Variants in MYH7 observed in about 807,000 individuals in gnomAD.
MYH7 encodes the protein myosin-7.
Under a neutral mutation model 225.4 loss-of-function variants are expected in MYH7, and 129 were observed. The ratio of observed to expected loss-of-function variants is 0.57; its 90% CI spans 0.50 to 0.66. The LOEUF is 0.66. Ranked by LOEUF, MYH7 falls within the 30% of genes least tolerant of loss-of-function variation. MYH7 has a pLI of 0.00. For missense variants in MYH7, 1,649 were observed against 2,517.0 expected (o/e 0.66, Z 7.38); for synonymous variants, 971 against 1,007.6 (o/e 0.96, Z 0.69).
In MYH7 at chr14:23,428,529, G is replaced by C. The variant is rs727504237; in HGVS notation, c.1549C>G (p.Leu517Val). ...TCGATGAGGTCAATGCAGGCCTGCA[G>C]GTCCATGCCAAAGTCAATGAATGTC... ...EWTFIDFGMD[L>V]QACIDLIEKP... is the part of the protein sequence containing the mutation. The change falls in exon 15 of 40, where the codon CTG becomes GTG. Residue 517 changes from leucine to valine, a missense_variant. Leu to Val is a conservative substitution (Grantham distance 32). This residue lies in a region of MYH7 where 76 missense variants were observed against 233.8 expected (regional missense o/e 0.33). Coordinates refer to ENST00000355349, the MANE Select transcript of MYH7 (RefSeq NM_000257.4). The C allele has an allele frequency of 6.2e-7, 1 of 1,614,072 alleles. No homozygotes were observed.
Position 23,434,156 on chromosome 14 carries a change from T to G in MYH7, c.-9+38A>C, listed in dbSNP as rs554681074. On this transcript the variant is annotated intron_variant, in intron 2 of 39. Coordinates refer to ENST00000355349, the MANE Select transcript of MYH7 (RefSeq NM_000257.4). ...GCTTTGGGGCTCTAATGCCCAGTCTTACTAGATTTTCAACACTCTAGCTTC... is the reference window on the plus strand; with the variant it reads ...GCTTTGGGGCTCTAATGCCCAGTCTGACTAGATTTTCAACACTCTAGCTTC... 2.9e-5 allele frequency: 31 copies of G among 1,060,468 alleles called. No individual in the cohort carries two copies. In the South Asian group the frequency reaches 7.9e-4, roughly 27 times the overall value. 65.7% of individuals were successfully genotyped at this position (1,060,468 alleles called of 1,614,324 possible). A position where few individuals can be genotyped will look rare whatever the true frequency, so the allele number is the denominator to read the frequency against.
rs199866189 is a variant in MYH7 at position 23,432,533 on chromosome 14, G to A, written c.503-27C>T. 2.2e-5 allele frequency: 36 copies of A among 1,614,126 alleles called. No individual in the cohort carries two copies. In the Admixed American group the frequency reaches 5.7e-4, roughly 25 times the overall value. On this transcript the variant is annotated intron_variant, in intron 5 of 39. Coordinates refer to ENST00000355349, the MANE Select transcript of MYH7 (RefSeq NM_000257.4). ...TGTGGGGAGAGGGTGGGGAGGAAAG[G>A]TCAGGAGCTGCACAGGATGCTCTCG...
rs2754165 is a variant in MYH7, at chr14:23,432,373, G to C, written c.530+106C>G. On this transcript the variant is annotated intron_variant, in intron 6 of 39. Transcript: ENST00000355349. ...GAAGAAGGAGATGGGCACGAGGTTGGGGGGAAAGAGGCTGAGTCTATGCCT... is the reference window on the plus strand; with the variant it reads ...GAAGAAGGAGATGGGCACGAGGTTGCGGGGAAAGAGGCTGAGTCTATGCCT... 0.072 allele frequency: 101,265 copies of C among 1,411,970 alleles called. 3,940 individuals are homozygous for C. The highest frequency in any genetic ancestry group is 0.1 in the South Asian group (8,622 of 86,478). The allele number at this position is 1,411,970 out of a possible 1,614,324, so 87.5% of individuals were successfully genotyped here. A position where few individuals can be genotyped will look rare whatever the true frequency, so the allele number is the denominator to read the frequency against.
At chr14:23,426,965 T>C in intron 17 of MYH7, 101 bp from the exon 18 acceptor site, 2 of 1,047,684 alleles carry the variant, frequency 1.9e-6, no homozygotes, top group Non-Finnish European at 2.9e-6. Flanking sequence ...TGGAGAGAAT[T>C]CGAGAAGTCA....
chr14:23,421,930 A>G (rs1892487933), intron 25 of MYH7, among the ~76,000 whole-genome samples: 1 of 152,200 alleles, frequency 6.6e-6, no homozygotes, highest in Non-Finnish European at 1.5e-5. Context: ...TTTCATTCCC[A>G]CTGAGTGCCT....
Position 23,428,578 on chromosome 14 carries a change from C to G in MYH7, c.1500G>C (p.Glu500Asp). The change falls in exon 15 of 40, where the codon GAG becomes GAC. Residue 500 changes from glutamate to aspartate, a missense_variant. By Grantham distance (45) the Glu-to-Asp change is conservative. Around this residue, in one of 12 missense-constraint regions of MYH7, gnomAD observed 76 missense variants for 233.8 expected, o/e 0.33. Transcript: ENST00000355349. ...TCCACTCGATGCCCTCCTTCTTGTA[C>G]TCCTCCTGCTCCAGCACAAACATGT... Reference protein sequence around the residue: ...NHHMFVLEQEEYKKEGIEWTF... With the variant: ...NHHMFVLEQEDYKKEGIEWTF... 1 of 1,614,228 alleles carries G rather than the reference C, an allele frequency of 6.2e-7. No individual in the cohort carries two copies. Among genetic ancestry groups the G allele is most frequent in the Non-Finnish European group, 8.5e-7 (1 of 1,180,044 alleles).
At chr14:23,419,766 T>G (rs749325234) in intron 27 of MYH7, 79 bp downstream of exon 27, 9 of 1,613,174 alleles carry the variant, frequency 5.6e-6, no homozygotes, top group Non-Finnish European at 6.8e-6. Flanking sequence ...AAATGAACCA[T>G]GAAGGAAGAG....
chr14:23,422,056 A>T, intron 25 of MYH7, 124 bp downstream of exon 25: 1 of 1,464,856 alleles, frequency 6.8e-7, no homozygotes, highest in East Asian at 2.3e-5. Flanking sequence ...GCCTTTTCCC[A>T]TGGTTTGCGC....
In MYH7 at chr14:23,424,774, G is replaced by T. The variant is rs1555337684; in HGVS notation, c.2674C>A (p.Gln892Lys). Reference sequence around the variant, plus strand: ...CAGTAGCCCAGGAGCCTCACCGCCTGCACTTGGAGCTGCAGGTCATTCTTC... The same window carrying T: ...CAGTAGCCCAGGAGCCTCACCGCCTTCACTTGGAGCTGCAGGTCATTCTTC... Reference protein sequence around the residue: ...QEKNDLQLQVQAEQDNLADAE... With the variant: ...QEKNDLQLQVKAEQDNLADAE... Residue 892 changes from glutamine to lysine, a missense_variant, in exon 22 of 40, where the codon CAG becomes AAG. This residue lies in a region of MYH7 where 282 missense variants were observed against 315.3 expected (regional missense o/e 0.89). Coordinates refer to ENST00000355349, the MANE Select transcript of MYH7 (RefSeq NM_000257.4). 6.2e-7 allele frequency: 1 copy of T among 1,614,150 alleles called. No homozygotes were observed. The highest frequency in any genetic ancestry group is 8.5e-7 in the Non-Finnish European group (1 of 1,180,038).
chr14:23,423,086 T>A (rs1445111386), intron 24 of MYH7, among the ~76,000 whole-genome samples: 2 of 152,030 alleles, frequency 1.3e-5, no homozygotes, highest in Non-Finnish European at 2.9e-5. Context: ...AAATACAGAG[T>A]GATAAGTGAG....
chr14:23,416,401 G>A, intron 33 of MYH7, 89 bp from the exon 34 acceptor site: 1 of 1,398,624 alleles, frequency 7.1e-7, no homozygotes, highest in Non-Finnish European at 9.8e-7. Context: ...GATACGAAGT[G>A]ACTTCAAGAG....
rs2754160 is a variant in MYH7 at position 23,426,760 on chromosome 14, T to A, written c.2044+17A>T. ...GTGTATGCCCAGCAGTGGGTTGGCC[T>A]GAGTTTGTGGCCTCACCTGGAGACT... On this transcript the variant is annotated intron_variant, in intron 18 of 39. Coordinates refer to ENST00000355349, the MANE Select transcript of MYH7 (RefSeq NM_000257.4). 1 of 1,612,150 alleles carries A rather than the reference T, an allele frequency of 6.2e-7. No individual in the cohort carries two copies. The highest frequency in any genetic ancestry group is 8.5e-7 in the Non-Finnish European group (1 of 1,178,238).
At chr14:23,431,352 G>A (rs1892927215) in intron 9 of MYH7, 66 bp downstream of exon 9, 2 of 1,472,452 alleles carry the variant, frequency 1.4e-6, no homozygotes, top group Non-Finnish European at 1.9e-6. Flanking sequence ...AGAGAGAGAG[G>A]TCAAGACCAG....
intron 32 of MYH7, 60 bp downstream of exon 32, chr14:23,417,093 G>A (rs1892246552): frequency 1.2e-6 from 2 of 1,613,938 alleles, no homozygotes; most frequent in East Asian, 2.2e-5. Flanking sequence ...CCCTTGGGTG[G>A]CACCATATGG....
At chr14:23,421,758 A>G (rs916125) in intron 25 of MYH7, 1 of 985,308 alleles carries the variant, frequency 1.0e-6, no homozygotes, top group Non-Finnish European at 1.2e-6. Flanking sequence ...AATGGCCCTG[A>G]TCCCCTGACT....
chr14:23,415,069 C>T lies in MYH7; in HGVS notation c.5485G>A (p.Glu1829Lys), dbSNP rs143562243. 8.7e-6 allele frequency: 14 copies of T among 1,613,474 alleles called. No individual in the cohort carries two copies. The highest frequency in any genetic ancestry group is 1.7e-5 in the Admixed American group (1 of 60,032). ...ACCGACTCTGCGTTGCGCTTCTGCT[C>T]GGCCTCCAGCTCATTCTCCAGCTCC... ...VRELENELEA[E>K]QKRNAESVKG... The change falls in exon 37 of 40, where the codon GAG becomes AAG. Residue 1829 changes from glutamate to lysine, a missense_variant. This residue lies in a region of MYH7 where 687 missense variants were observed against 913.8 expected (regional missense o/e 0.75). Transcript: ENST00000355349. The surrounding 1 kb of genome is among the most constrained non-coding windows in gnomAD (Gnocchi z 6.3).
chr14:23,433,139 T>C lies in MYH7; in HGVS notation c.290A>G (p.His97Arg). ...IEDMAMLTFL[H>R]EPAVLYNLKD... ...GAGGTTGTAGAGCACCGCGGGCTCA[T>C]GCAGGAAGGTCAGCATGGCCATGTC... is the stretch of plus-strand genomic sequence containing the variant. Residue 97 changes from histidine to arginine, a missense_variant, in exon 4 of 40, where the codon CAT (histidine) becomes CGT (arginine). By Grantham distance (29) the His-to-Arg change is conservative (BLOSUM62 0). Transcript: ENST00000355349. The surrounding 1 kb of genome is among the most constrained non-coding windows in gnomAD (Gnocchi z 4.1). 6.2e-7 allele frequency: 1 copy of C among 1,614,150 alleles called. No homozygotes were observed.
At chr14:23,429,586 G>A (rs1330034225) in intron 12 of MYH7, among the ~76,000 whole-genome samples, 189 bp downstream of exon 12, 1 of 150,898 alleles carries the variant, frequency 6.6e-6, no homozygotes, top group Non-Finnish European at 1.5e-5. Flanking sequence ...TGAGGCAGGA[G>A]AATCACTTGA....
chr14:23,428,875 C>T, intron 14 of MYH7, 80 bp downstream of exon 14: 1 of 1,607,632 alleles, frequency 6.2e-7, no homozygotes, highest in African/African-American at 1.3e-5. Flanking sequence ...GTCTGGTCCA[C>T]AGCTGGCTCT....
Sources: allele counts gnomAD v4.1 joint callset (sites outside exome capture counted in the v4.1 genomes callset), GRCh38; gene constraint gnomAD v4.1.1; regional missense constraint gnomAD v4.1.1; non-coding constraint Gnocchi (gnomAD v3.1); transcripts MANE v1.5; gene names NCBI Gene and HGNC (gene_info 2026-07-23, HGNC 2026-07-21).